PPFIA2: variants seen among roughly 807,000 people sequenced by gnomAD.
The protein encoded by PPFIA2 is liprin-alpha-2.
Under a neutral mutation model 175.5 loss-of-function variants are expected in PPFIA2, and 46 were observed. The observed-to-expected ratio is 0.26, with a 90% CI of 0.21 to 0.34. PPFIA2 has a LOEUF of 0.34. Among genes scored for constraint, PPFIA2 ranks in the 10% least tolerant of loss-of-function variants. PPFIA2 has a pLI of 1.00. For missense variants in PPFIA2, 1,179 were observed against 1,506.1 expected, an observed-to-expected ratio of 0.78 and a Z score of 3.60; for synonymous variants, 568 against 511.4, an observed-to-expected ratio of 1.11 and a Z score of -1.49.
At chr12:81,637,071 T>G (rs2064167877) in intron 4 of PPFIA2, among the ~76,000 whole-genome samples, 1 of 151,522 alleles carries the variant, frequency 6.6e-6, no homozygotes, top group Admixed American at 6.6e-5. Context: ...TCTATATCTT[T>G]TTTTTTTCTT....
chr12:81,707,303 A>G (rs2077290068), intron 3 of PPFIA2, among the ~76,000 whole-genome samples: 1 of 151,944 alleles, frequency 6.6e-6, no homozygotes, highest in Admixed American at 6.6e-5. Context: ...AGAATCTACA[A>G]TGAACTCAAA....
chr12:81,532,153 C>T (rs1192228620), intron 4 of PPFIA2, among the ~76,000 whole-genome samples: 1 of 151,686 alleles, frequency 6.6e-6, no homozygotes, highest in Non-Finnish European at 1.5e-5. Context: ...GGTGGCCTGG[C>T]TTTAACAGAT....
chr12:81,581,805 TAC>T (rs928799868), intron 4 of PPFIA2, among the ~76,000 whole-genome samples: 35 of 151,918 alleles, frequency 2.3e-4, no homozygotes, highest in African/African-American at 8.5e-4. Flanking sequence ...ATCATTCTGA[TAC>T]ATTTTTATTT....
In PPFIA2 at chr12:81,344,649, A is replaced by T. The variant is rs765703470; in HGVS notation, c.2262+15T>A. The T allele has an allele frequency of 1.7e-5, 26 of 1,537,460 alleles. No homozygotes were observed. In the South Asian group the frequency reaches 1.8e-4, roughly 11 times the overall value. ...AGTATTCAATTCGTAATGATGTAAA[A>T]GTTATTTACTGTACCTTTCTCCGAT... On this transcript the variant is annotated intron_variant, in intron 19 of 32. Coordinates refer to ENST00000549396, the MANE Select transcript of PPFIA2 (RefSeq NM_003625.5).
intron 4 of PPFIA2, among the ~76,000 whole-genome samples, chr12:81,530,815 T>C (rs1254954667): frequency 6.6e-6 from 1 of 151,862 alleles, no homozygotes; most frequent in Admixed American, 6.6e-5. Context: ...ATTTGGAATA[T>C]TATGTATTTG....
At chr12:81,499,970 C>T (rs2060424502) in intron 4 of PPFIA2, among the ~76,000 whole-genome samples, 1 of 152,094 alleles carries the variant, frequency 6.6e-6, no homozygotes, top group South Asian at 2.1e-4. Flanking sequence ...TCAGTCCTCT[C>T]CAGGAACTCT....
At chr12:81,337,227 A>G (rs372343751) in intron 21 of PPFIA2, among the ~76,000 whole-genome samples, 3 of 152,222 alleles carry the variant, frequency 2.0e-5, no homozygotes, top group African/African-American at 7.2e-5. Flanking sequence ...TAGGTATAGC[A>G]TTTTGCTCCT....
At chr12:81,671,604 A>G (rs1304077890) in intron 4 of PPFIA2, among the ~76,000 whole-genome samples, 2 of 151,848 alleles carry the variant, frequency 1.3e-5, no homozygotes, top group Non-Finnish European at 1.5e-5. Context: ...TCTTCTGTTT[A>G]AAGACTTCAA....
chr12:81,695,690 A>G (rs570508272), intron 3 of PPFIA2, among the ~76,000 whole-genome samples: 1 of 152,208 alleles, frequency 6.6e-6, no homozygotes, highest in South Asian at 2.1e-4. Flanking sequence ...GCATTTGCAA[A>G]TGATTCAGCC....
intron 4 of PPFIA2, among the ~76,000 whole-genome samples, chr12:81,473,549 C>T (rs943839382): frequency 1.3e-5 from 2 of 152,182 alleles, no homozygotes; most frequent in Admixed American, 6.5e-5. Flanking sequence ...TGTACTCCTT[C>T]GCCTGAGACA....
At chr12:81,312,476 T>A (rs2051170505) in intron 22 of PPFIA2, 1 of 361,154 alleles carries the variant, frequency 2.8e-6, no homozygotes, top group Non-Finnish European at 5.0e-6. Context: ...CAGGAGGAAA[T>A]CAAGAAATCT....
In PPFIA2 at chr12:81,316,391, C is replaced by T. The variant is rs1594700403; in HGVS notation, c.2642+9386G>A. ...GATGTCAGCATTATATTTAAATATA[C>T]TTTAATTTGATTTTTTTATTTAAAA... On this transcript the variant is annotated intron_variant, in intron 22 of 32. Transcript: ENST00000549396. Among the ~76,000 whole-genome samples the T allele has an allele frequency of 2.0e-5, 3 of 151,514 alleles. No homozygotes were observed. The East Asian group carries it at 5.8e-4, about 29-fold the overall frequency.
chr12:81,311,560 C>T (rs376073040), intron 22 of PPFIA2, among the ~76,000 whole-genome samples: 2 of 151,604 alleles, frequency 1.3e-5, no homozygotes, highest in Admixed American at 6.6e-5. Flanking sequence ...GGTGAAACCC[C>T]GTCTCTACCA....
At chr12:81,339,076 G>A (rs1319651021) in intron 21 of PPFIA2, 104 bp downstream of exon 21, 20 of 1,106,500 alleles carry the variant, frequency 1.8e-5, no homozygotes, top group Non-Finnish European at 2.5e-5. Flanking sequence ...GTAGAAAAGA[G>A]AAGAAATGAA....
chr12:81,303,242 T>G (rs1284000687), intron 22 of PPFIA2, among the ~76,000 whole-genome samples: 2 of 152,194 alleles, frequency 1.3e-5, no homozygotes, highest in African/African-American at 4.8e-5. Context: ...ATTACTCTCT[T>G]TCCCTGTTGG....
intron 7 of PPFIA2, among the ~76,000 whole-genome samples, chr12:81,415,214 TATATATATATATATATA>T (rs2044958908): frequency 3.0e-4 from 6 of 20,150 alleles, no homozygotes; most frequent in Admixed American, 2.4e-3. Context: ...AAAAAAAATA[TATATATATATATATATA>T]TATATATATA....
At chr12:81,706,738 GA>G (rs2077201765) in intron 3 of PPFIA2, among the ~76,000 whole-genome samples, 1 of 152,126 alleles carries the variant, frequency 6.6e-6, no homozygotes, top group African/African-American at 2.4e-5. Flanking sequence ...TAAGCCAAAA[GA>G]ACAAAGCTGG....
chr12:81,638,936 C>T (rs1180769540), intron 4 of PPFIA2, among the ~76,000 whole-genome samples: 1 of 151,878 alleles, frequency 6.6e-6, no homozygotes, highest in East Asian at 1.9e-4. Context: ...ATCCGCCCGC[C>T]TCGGCCTCCC....
chr12:81,718,398 G>A (rs1380914859), intron 3 of PPFIA2, among the ~76,000 whole-genome samples: 3 of 151,530 alleles, frequency 2.0e-5, no homozygotes, highest in Non-Finnish European at 4.4e-5. Context: ...AGTGGGATGT[G>A]GCTGAAGTGT....
Sources: gnomAD v4.1 joint callset for allele counts (sites outside exome capture counted in the v4.1 genomes callset) on GRCh38, gnomAD v4.1.1 for gene constraint, MANE v1.5 for transcripts, NCBI Gene and HGNC (gene_info 2026-07-23, HGNC 2026-07-21) for gene names.